Variants in AKR1C2 observed in about 807,000 individuals in gnomAD.
AKR1C2 encodes aldo-keto reductase family 1 member C2.
In AKR1C2, 27 loss-of-function variants were observed where a neutral mutation model predicts 39.8. That is an observed-to-expected ratio of 0.68 (90% CI 0.50 to 0.93). The LOEUF (loss-of-function observed/expected upper bound fraction) is 0.93, where lower values mean the gene tolerates loss of function less well. Among genes scored for constraint, AKR1C2 ranks in the 40% least tolerant of loss-of-function variants. The pLI, the probability that AKR1C2 is intolerant of heterozygous loss-of-function variation, is 0.00. For synonymous variants in AKR1C2, 114 were observed against 137.9 expected (o/e 0.83, Z 1.22); for missense variants, 263 against 365.1 (o/e 0.72, Z 2.28).
At position 4,995,743 on chromosome 10, in the gene AKR1C2, T is replaced by G; in HGVS notation, c.680+13A>C. ...ACCAGTGTTTTAGGTAAACTTCCTG[T>G]ATCTCTTATTACCATGGTTCTTCTC... On this transcript the variant is annotated intron_variant, in intron 6 of 8. Transcript: ENST00000380753. 1 of 1,607,210 alleles carries G rather than the reference T, an allele frequency of 6.2e-7. No individual in the cohort carries two copies.
At chr10:5,000,797 T>C (rs1837244905) in intron 2 of AKR1C2, 131 bp from the exon 3 acceptor site, 3 of 731,032 alleles carry the variant, frequency 4.1e-6, no homozygotes. Flanking sequence ...TTCTCTCTCT[T>C]CTTGTGATGC....
At chr10:5,009,813 CAGAA>C (rs1837483606) in intron 1 of AKR1C2, among the ~76,000 whole-genome samples, 1 of 151,564 alleles carries the variant, frequency 6.6e-6, no homozygotes, top group Non-Finnish European at 1.5e-5. Flanking sequence ...CAATGACACA[CAGAA>C]AGAGAGAAGA....
At chr10:5,011,185 T>A (rs1479751563) in intron 1 of AKR1C2, among the ~76,000 whole-genome samples, 2 of 152,110 alleles carry the variant, frequency 1.3e-5, no homozygotes, top group Non-Finnish European at 2.9e-5. Flanking sequence ...CCAAATAACC[T>A]CTTTAAAATT....
At chr10:5,010,390 C>T (rs1450308198) in intron 1 of AKR1C2, 1 of 151,268 alleles carries the variant, frequency 6.6e-6, no homozygotes, top group Non-Finnish European at 1.5e-5. Flanking sequence ...GGTAAGCTCT[C>T]GGGGTCGCCC....
Position 4,992,692 on chromosome 10 carries a change from T to C in AKR1C2, c.847-779A>G, listed in dbSNP as rs552486918. Among the ~76,000 whole-genome samples, 3 of 147,634 alleles carry C rather than the reference T, an allele frequency of 2.0e-5. No homozygotes were observed. The South Asian group carries it at 6.2e-4, about 31-fold the overall frequency. On this transcript the variant is annotated intron_variant, in intron 7 of 8. Transcript: ENST00000380753. The stretch of plus-strand genomic sequence containing the variant: ...ATTGCCGGGCACGTTGGCTCACGCC[T>C]ATAATCCTAGCACTTTGGGAGGCCA...
Position 4,998,710 on chromosome 10 carries a change from G to T in AKR1C2, c.485C>A (p.Ser162Tyr). The change falls in exon 5 of 9, where the codon TCC becomes TAC. Residue 162 changes from serine (S) to tyrosine (Y), a missense_variant. Transcript: ENST00000380753. Reference sequence around the variant, plus strand: ...GTGGTTGAAGTTGGACACCCCGATGGACTTGGCCAATCCTGCATCTTTACA... The same window carrying T: ...GTGGTTGAAGTTGGACACCCCGATGTACTTGGCCAATCCTGCATCTTTACA... ...EKCKDAGLAKSIGVSNFNHRL... is the reference protein window; with the variant it reads ...EKCKDAGLAKYIGVSNFNHRL... 1 of 1,614,166 alleles carries T rather than the reference G, an allele frequency of 6.2e-7. No homozygotes were observed. The highest frequency in any genetic ancestry group is 8.5e-7 in the Non-Finnish European group (1 of 1,180,028).
intron 4 of AKR1C2, 84 bp from the exon 5 acceptor site, chr10:4,998,831 A>G: frequency 6.3e-7 from 1 of 1,580,862 alleles, no homozygotes; most frequent in Admixed American, 1.8e-5. Flanking sequence ...GAAAGCAACA[A>G]CTGTCTAGAC....
intron 1 of AKR1C2, among the ~76,000 whole-genome samples, chr10:5,011,727 T>C (rs1334526038): frequency 2.0e-5 from 3 of 152,240 alleles, no homozygotes; most frequent in Non-Finnish European, 4.4e-5. Flanking sequence ...AATCTGAATA[T>C]GTAAACCTGT....
intron 7 of AKR1C2, among the ~76,000 whole-genome samples, chr10:4,992,905 G>A (rs558627900): frequency 7.9e-5 from 12 of 152,176 alleles, no homozygotes; most frequent in East Asian, 1.9e-4. Context: ...AGCCGAGTTC[G>A]TGCCACTGCA....
chr10:5,006,785 C>CTTT (rs57936312), upstream of AKR1C2, among the ~76,000 whole-genome samples: 11,056 of 144,714 alleles, frequency 0.076, 592 homozygotes, highest in Non-Finnish European at 0.12. Context: ...ATTTCAGCCT[C>CTTT]TTTTTTTTTT....
intron 8 of AKR1C2, among the ~76,000 whole-genome samples, chr10:4,990,678 A>C (rs1836809423): frequency 6.6e-6 from 1 of 152,204 alleles, no homozygotes; most frequent in Non-Finnish European, 1.5e-5. Flanking sequence ...TACAGTTATA[A>C]CTTGTTAATT....
intron 5 of AKR1C2, chr10:4,996,124 G>T (rs1157934858): frequency 2.6e-5 from 13 of 505,608 alleles, no homozygotes; most frequent in Admixed American, 4.3e-5. Flanking sequence ...AGGAGACACG[G>T]CCAATTTCAG....
chr10:4,997,046 T>TA (rs1447089649), intron 5 of AKR1C2, among the ~76,000 whole-genome samples: 1 of 152,146 alleles, frequency 6.6e-6, no homozygotes, highest in Non-Finnish European at 1.5e-5. Context: ...AAACATGAGT[T>TA]AAAAACAACA....
chr10:5,006,497 G>A (rs1215260836), upstream of AKR1C2: 6 of 152,096 alleles, frequency 3.9e-5, no homozygotes, highest in African/African-American at 9.7e-5. Flanking sequence ...CAGCTACTCC[G>A]GAGGCTAAGC....
intron 8 of AKR1C2, among the ~76,000 whole-genome samples, chr10:4,991,212 C>G (rs1343074956): frequency 6.6e-6 from 1 of 151,484 alleles, no homozygotes; most frequent in Non-Finnish European, 1.5e-5. Flanking sequence ...CTCCATATTG[C>G]AGAACACCAA....
intron 7 of AKR1C2, among the ~76,000 whole-genome samples, chr10:4,993,700 G>A (rs1475718307): frequency 6.6e-6 from 1 of 151,742 alleles, no homozygotes; most frequent in Non-Finnish European, 1.5e-5. Context: ...AAATTTGGGA[G>A]ATGTTATTTC....
At chr10:5,005,760 C>A (rs1180760187), upstream of AKR1C2, among the ~76,000 whole-genome samples, 1 of 152,118 alleles carries the variant, frequency 6.6e-6, no homozygotes, top group Non-Finnish European at 1.5e-5. Flanking sequence ...CAGTAGAAAT[C>A]ATTCCTGAAG....
upstream of AKR1C2, among the ~76,000 whole-genome samples, chr10:5,007,875 G>T (rs1285079751): frequency 6.6e-6 from 1 of 151,726 alleles, no homozygotes; most frequent in Non-Finnish European, 1.5e-5. Context: ...TCAGCTTAAA[G>T]AGAAGAGGAA....
Position 5,001,622 on chromosome 10 carries a change from A to G in AKR1C2, c.144T>C (p.His48=), listed in dbSNP as rs1554773836. Residue 48 remains histidine (H), a synonymous_variant, in exon 2 of 9, where the codon CAT becomes CAC. Transcript: ENST00000380753. ...TATTGTAAACATGTGCAGAATCAAT[A>G]TGGTGGAACCCGGCTTCTATTGCCA... The part of the protein sequence containing the change: ...VKLAIEAGFH[H]IDSAHVYNNE... The G allele has an allele frequency of 6.8e-6, 11 of 1,614,034 alleles. No homozygotes were observed. The highest frequency in any genetic ancestry group is 8.5e-6 in the Non-Finnish European group (10 of 1,179,888).
Sources: gnomAD v4.1 joint callset for allele counts (sites outside exome capture counted in the v4.1 genomes callset) on GRCh38, gnomAD v4.1.1 for gene constraint, MANE v1.5 for transcripts, NCBI Gene and HGNC (gene_info 2026-07-23, HGNC 2026-07-21) for gene names.